ARHGEF18: variants seen among roughly 807,000 people sequenced by gnomAD.
ARHGEF18 encodes Rho/Rac guanine nucleotide exchange factor 18.
Under a neutral mutation model 155.7 loss-of-function variants are expected in ARHGEF18, and 93 were observed. The ratio of observed to expected loss-of-function variants is 0.60; its 90% CI spans 0.50 to 0.71. ARHGEF18 has a LOEUF of 0.71. Among genes scored for constraint, ARHGEF18 ranks in the 30% least tolerant of loss-of-function variants. The pLI is 0.00. For missense variants in ARHGEF18, 1,593 were observed against 1,816.1 expected (o/e 0.88, Z 2.23); for synonymous variants, 742 against 753.1 (o/e 0.99, Z 0.24).
chr19:7,433,189 G>A (rs1045361605), intron 10 of ARHGEF18, among the ~76,000 whole-genome samples: 4 of 151,680 alleles, frequency 2.6e-5, no homozygotes, highest in Admixed American at 6.6e-5. Context: ...AAGGCAGGCC[G>A]GGCACGGTGG....
At chr19:7,445,213 A>T (rs914094285) in intron 14 of ARHGEF18, among the ~76,000 whole-genome samples, 3 of 152,144 alleles carry the variant, frequency 2.0e-5, no homozygotes, top group South Asian at 2.1e-4. Flanking sequence ...TTGGGAGGCC[A>T]AGCAGGTGAA....
chr19:7,385,239 C>T (rs1970939223), intron 10 of ARHGEF18, among the ~76,000 whole-genome samples: 1 of 152,164 alleles, frequency 6.6e-6, no homozygotes, highest in African/African-American at 2.4e-5. Flanking sequence ...GATACCCTTC[C>T]TTGAACAGCT....
chr19:7,416,863 A>G (rs1408060734), intron 10 of ARHGEF18, among the ~76,000 whole-genome samples: 2 of 151,642 alleles, frequency 1.3e-5, no homozygotes, highest in Non-Finnish European at 2.9e-5. Flanking sequence ...TCAGCCTCCC[A>G]AAGTGTTGGG....
At chr19:7,363,015 G>T in intron 2 of ARHGEF18, 110 bp downstream of exon 2, 2 of 1,184,274 alleles carry the variant, frequency 1.7e-6, no homozygotes, top group Non-Finnish European at 2.1e-6. Flanking sequence ...TTATCTCAGG[G>T]AATCCTCATC....
In ARHGEF18 at chr19:7,440,201, G is replaced by C. The variant is rs777055688; in HGVS notation, c.968-143G>C. On this transcript the variant is annotated intron_variant, in intron 10 of 28. Coordinates refer to ENST00000668164, the MANE Select transcript of ARHGEF18 (RefSeq NM_001367823.1). The surrounding 1 kb of genome is among the most constrained non-coding windows in gnomAD (Gnocchi z 5.4). ...GCTCTTTCCCCAGGAAATGGAGCGA[G>C]AACGTCTTCTTGGATAACGAGCTGC... 14 of 1,551,640 alleles carry C rather than the reference G, an allele frequency of 9.0e-6. No homozygotes were observed. Among genetic ancestry groups the C allele is most frequent in the Middle Eastern group, 1.7e-4 (1 of 5,992 alleles).
chr19:7,407,560 C>T (rs182335648), intron 10 of ARHGEF18, among the ~76,000 whole-genome samples: 16 of 152,214 alleles, frequency 1.1e-4, no homozygotes, highest in African/African-American at 3.1e-4. Context: ...CCTTTTATTC[C>T]GGTTCCTTCT....
intron 10 of ARHGEF18, among the ~76,000 whole-genome samples, chr19:7,428,383 C>A (rs185214076): frequency 6.6e-6 from 1 of 151,644 alleles, no homozygotes; most frequent in East Asian, 1.9e-4. Context: ...GGTGAGCCCA[C>A]GGCCTGTTGC....
chr19:7,438,226 G>A (rs1347180804), intron 10 of ARHGEF18, among the ~76,000 whole-genome samples: 3 of 147,532 alleles, frequency 2.0e-5, no homozygotes, highest in Admixed American at 6.7e-5. Flanking sequence ...TCAGCCTCCC[G>A]AGTAGCTGAG....
At chr19:7,468,259 A>G (rs548574514) in intron 26 of ARHGEF18, among the ~76,000 whole-genome samples, 43 of 151,552 alleles carry the variant, frequency 2.8e-4, no homozygotes, top group Middle Eastern at 6.8e-3. Context: ...TCAAAAAAAA[A>G]AAAAAAATGA....
At chr19:7,453,840 AGGT>A (rs1975657499) in intron 17 of ARHGEF18, 125 bp downstream of exon 17, 4 of 1,283,882 alleles carry the variant, frequency 3.1e-6, no homozygotes, top group South Asian at 2.1e-5. Context: ...CATCTTGGAG[AGGT>A]GGTCACCATC....
chr19:7,473,174 G>C (rs549058246), downstream of ARHGEF18: 2,212 of 456,222 alleles, frequency 4.8e-3, 17 homozygotes, highest in Middle Eastern at 0.02. Context: ...ATTTCCACCT[G>C]GTCTGAGTCC....
At chr19:7,385,870 T>TCTCTCCC (rs1555704468) in intron 10 of ARHGEF18, among the ~76,000 whole-genome samples, 1 of 29,548 alleles carries the variant, frequency 3.4e-5, no homozygotes, top group African/African-American at 1.9e-4. Context: ...TCTCTCTCTC[T>TCTCTCCC]CCCCCCTCCC....
chr19:7,363,374 T>G (rs1208665281), intron 2 of ARHGEF18, among the ~76,000 whole-genome samples: 1 of 151,158 alleles, frequency 6.6e-6, no homozygotes, highest in Non-Finnish European at 1.5e-5. Context: ...GCTAGATGGA[T>G]AGATGGATGG....
intron 20 of ARHGEF18, among the ~76,000 whole-genome samples, chr19:7,460,271 C>T (rs1976131596): frequency 6.6e-6 from 1 of 152,102 alleles, no homozygotes; most frequent in Admixed American, 6.6e-5. Flanking sequence ...GCCACACACG[C>T]CACCACCACC....
At chr19:7,460,625 TA>T (rs978602740) in intron 20 of ARHGEF18, among the ~76,000 whole-genome samples, 46 of 72,468 alleles carry the variant, frequency 6.3e-4, no homozygotes, top group African/African-American at 2.9e-3. Flanking sequence ...ACATTCCACA[TA>T]AATGGAGTCA....
intron 10 of ARHGEF18, among the ~76,000 whole-genome samples, chr19:7,389,929 C>T (rs1024928102): frequency 2.6e-5 from 4 of 152,066 alleles, no homozygotes; most frequent in African/African-American, 7.2e-5. Context: ...GGGCCGGGCG[C>T]GGAAGCTCAC....
chr19:7,399,273 A>G (rs1971901136), intron 10 of ARHGEF18, among the ~76,000 whole-genome samples: 1 of 152,108 alleles, frequency 6.6e-6, no homozygotes. Flanking sequence ...GAGGGAGGGA[A>G]ACTGGGTAAA....
downstream of ARHGEF18, chr19:7,473,437 A>C: frequency 2.6e-6 from 1 of 382,932 alleles, no homozygotes; most frequent in South Asian, 1.9e-5. Flanking sequence ...GCGGGGGCTG[A>C]GGCAGGAGGA....
chr19:7,417,721 A>G (rs565122899), intron 10 of ARHGEF18, among the ~76,000 whole-genome samples: 11 of 152,072 alleles, frequency 7.2e-5, no homozygotes, highest in Admixed American at 6.6e-4. Context: ...GAAAAAGAAG[A>G]TGGGGACAGG....
Sources: allele counts gnomAD v4.1 joint callset (sites outside exome capture counted in the v4.1 genomes callset), GRCh38; gene constraint gnomAD v4.1.1; non-coding constraint Gnocchi (gnomAD v3.1); transcripts MANE v1.5; gene names NCBI Gene and HGNC (gene_info 2026-07-23, HGNC 2026-07-21).